Variants in SLC30A7 observed in about 807,000 individuals in gnomAD.
The protein encoded by SLC30A7 is zinc transporter 7.
A neutral mutation model predicts 46.0 loss-of-function variants in SLC30A7; 35 were observed. That is an observed-to-expected ratio of 0.76 (90% CI 0.58 to 1.01). The LOEUF (loss-of-function observed/expected upper bound fraction) is 1.01, where lower values mean the gene tolerates loss of function less well. Ranked by LOEUF, SLC30A7 falls within the 50% of genes least tolerant of loss-of-function variation. SLC30A7 has a pLI of 0.00. For synonymous variants in SLC30A7, 147 were observed against 157.8 expected (o/e 0.93, Z 0.51); for missense variants, 464 against 451.1 (o/e 1.03, Z -0.26).
intron 2 of SLC30A7, among the ~76,000 whole-genome samples, chr1:100,906,544 CTCTT>C (rs1418864676): frequency 1.3e-5 from 2 of 152,080 alleles, no homozygotes; most frequent in Non-Finnish European, 2.9e-5. Context: ...TTTCCTACCT[CTCTT>C]TCAGTGGCAG....
At chr1:100,973,693 G>A (rs371680668) in intron 10 of SLC30A7, among the ~76,000 whole-genome samples, 32 of 152,182 alleles carry the variant, frequency 2.1e-4, no homozygotes, top group African/African-American at 7.5e-4. Context: ...AGCCTTTGGC[G>A]ATTTCAGTTT....
At position 100,978,467 on chromosome 1, in the gene SLC30A7, A is replaced by G. The variant is rs1656703654; in HGVS notation, c.*3610A>G. 6.6e-6 allele frequency: 1 copy of G among 152,222 alleles called. No homozygotes were observed. The highest frequency in any genetic ancestry group is 1.5e-5 in the Non-Finnish European group (1 of 68,028). The allele number at this position is 152,222 out of a possible 1,614,324, so 9.4% of individuals were successfully genotyped here. On this transcript the variant is annotated 3_prime_UTR_variant, in exon 11 of 11. Transcript: ENST00000357650. ...TGCTTAACACAGAATTTTACATCTA[A>G]GCAAGGACTGGCTTTAGAAGCAGTG...
At chr1:100,932,990 T>C (rs1012197699) in intron 8 of SLC30A7, among the ~76,000 whole-genome samples, 7 of 151,088 alleles carry the variant, frequency 4.6e-5, no homozygotes, top group Non-Finnish European at 3.0e-5. Context: ...TTTTTTTTTT[T>C]TTTTGAGACG....
At chr1:100,990,097 T>C in the SLC30A7 span, 1 of 346,804 alleles carries the variant, frequency 2.9e-6, no homozygotes. Context: ...CGACTCACAG[T>C]TCCACATGGC....
intron 8 of SLC30A7, among the ~76,000 whole-genome samples, chr1:100,929,236 C>G (rs930521770): frequency 2.0e-5 from 3 of 151,950 alleles, no homozygotes; most frequent in African/African-American, 7.3e-5. Flanking sequence ...CCTAATTTCT[C>G]TATGGTAACA....
chr1:100,901,107 A>AC (rs959189092), intron 2 of SLC30A7, among the ~76,000 whole-genome samples: 2 of 151,790 alleles, frequency 1.3e-5, no homozygotes, highest in Admixed American at 6.6e-5. Flanking sequence ...GATAAAATCC[A>AC]CCCCCCCTTA....
chr1:100,960,936 T>C (rs1349978845), intron 8 of SLC30A7, among the ~76,000 whole-genome samples: 3 of 148,634 alleles, frequency 2.0e-5, no homozygotes, highest in Non-Finnish European at 4.4e-5. Flanking sequence ...CTACTATTAA[T>C]TGTTTTGTGT....
intron 8 of SLC30A7, among the ~76,000 whole-genome samples, chr1:100,928,063 A>G: frequency 6.6e-6 from 1 of 152,166 alleles, no homozygotes; most frequent in Non-Finnish European, 1.5e-5. Context: ...GGATAATTTA[A>G]ATCAAGAATA....
intron 6 of SLC30A7, among the ~76,000 whole-genome samples, chr1:100,917,827 C>T (rs993981793): frequency 1.3e-5 from 2 of 152,038 alleles, no homozygotes; most frequent in African/African-American, 4.8e-5. Flanking sequence ...TCTTTAATTT[C>T]CTGTGCTTTT....
intron 10 of SLC30A7, among the ~76,000 whole-genome samples, chr1:100,966,353 T>A (rs7538863): frequency 2.0e-5 from 3 of 151,278 alleles, no homozygotes; most frequent in African/African-American, 7.3e-5. Context: ...GGAGGCTGAG[T>A]CAGGTGGATC....
At chr1:100,963,034 C>G (rs1655641347) in intron 9 of SLC30A7, among the ~76,000 whole-genome samples, 1 of 152,022 alleles carries the variant, frequency 6.6e-6, no homozygotes, top group Admixed American at 6.6e-5. Flanking sequence ...ATGAAGAGTT[C>G]TATTCTGGAT....
chr1:100,940,705 A>G, intron 8 of SLC30A7, among the ~76,000 whole-genome samples: 1 of 152,344 alleles, frequency 6.6e-6, no homozygotes, highest in African/African-American at 2.4e-5. Context: ...TCGGACTATA[A>G]CATTTAGCAA....
At chr1:100,983,690 T>C (rs1239472073), downstream of SLC30A7, among the ~76,000 whole-genome samples, 2 of 152,194 alleles carry the variant, frequency 1.3e-5, no homozygotes, top group Admixed American at 1.3e-4. Flanking sequence ...AAAGACCTTA[T>C]AAAAATTATT....
At chr1:100,934,008 T>C (rs993002648) in intron 8 of SLC30A7, among the ~76,000 whole-genome samples, 9 of 152,260 alleles carry the variant, frequency 5.9e-5, no homozygotes, top group African/African-American at 2.2e-4. Flanking sequence ...TACATACGTG[T>C]ACATACCAGT....
intron 8 of SLC30A7, among the ~76,000 whole-genome samples, chr1:100,924,725 G>C (rs559800705): frequency 1.4e-5 from 2 of 147,726 alleles, no homozygotes; most frequent in African/African-American, 4.9e-5. Context: ...AAATAAATTT[G>C]TGGGTTTTTT....
chr1:100,924,679 AG>A (rs1653174461), intron 8 of SLC30A7, among the ~76,000 whole-genome samples: 1 of 148,840 alleles, frequency 6.7e-6, no homozygotes. Context: ...AAAAAAAAAA[AG>A]AAAAAAAAAA....
At chr1:100,914,799 GCCCTTCATTTTTCAGT>G (rs1470536966) in intron 6 of SLC30A7, among the ~76,000 whole-genome samples, 2 of 151,978 alleles carry the variant, frequency 1.3e-5, no homozygotes, top group African/African-American at 4.8e-5. Context: ...AGCCTTCTAA[GCCCTTCATTTTTCAGT>G]CTTTGAAATT....
At chr1:100,926,977 G>A (rs1327004323) in intron 8 of SLC30A7, among the ~76,000 whole-genome samples, 1 of 152,164 alleles carries the variant, frequency 6.6e-6, no homozygotes, top group African/African-American at 2.4e-5. Flanking sequence ...ACTGTTCAGA[G>A]GAAGAATATC....
rs747969396 is a variant in SLC30A7, at chr1:100,978,611, G to A, written c.*3754G>A. On this transcript the variant is annotated 3_prime_UTR_variant, in exon 11 of 11. Coordinates refer to ENST00000357650, the MANE Select transcript of SLC30A7 (RefSeq NM_133496.5). The stretch of plus-strand genomic sequence containing the variant: ...AAAGATTCAGATCTTCTGACTCGAA[G>A]TTGAGAGTTCTTTATACTCTATTAT... 1 of 152,156 alleles carries A rather than the reference G, an allele frequency of 6.6e-6. No homozygotes were observed. The highest frequency in any genetic ancestry group is 1.5e-5 in the Non-Finnish European group (1 of 68,032). The allele number at this position is 152,156 out of a possible 1,614,324, so 9.4% of individuals were successfully genotyped here.
Sources: allele counts gnomAD v4.1 joint callset (sites outside exome capture counted in the v4.1 genomes callset), GRCh38; gene constraint gnomAD v4.1.1; transcripts MANE v1.5; gene names NCBI Gene and HGNC (gene_info 2026-07-23, HGNC 2026-07-21).